RASGRP3: variants seen among roughly 807,000 people sequenced by gnomAD.
RASGRP3 encodes ras guanyl-releasing protein 3.
Under a neutral mutation model 82.7 loss-of-function variants are expected in RASGRP3, and 54 were observed. The observed-to-expected ratio is 0.65, with a 90% confidence interval of 0.52 to 0.82. The LOEUF (loss-of-function observed/expected upper bound fraction) is 0.82. Among genes scored for constraint, RASGRP3 ranks in the 40% least tolerant of loss-of-function variants. The probability of loss-of-function intolerance (pLI) is 0.00; values close to 1 mark genes in which losing one functional copy is unlikely to be tolerated. For missense variants in RASGRP3, 861 were observed against 828.9 expected (o/e 1.04, Z -0.48); for synonymous variants, 309 against 300.5 (o/e 1.03, Z -0.29).
intron 1 of RASGRP3, among the ~76,000 whole-genome samples, chr2:33,495,167 A>G (rs1230682817): frequency 6.6e-6 from 1 of 152,208 alleles, no homozygotes. Flanking sequence ...AGTCTGAGGT[A>G]GGGCTTGTAA....
At chr2:33,497,992 T>G (rs1193450549) in intron 1 of RASGRP3, among the ~76,000 whole-genome samples, 1 of 152,080 alleles carries the variant, frequency 6.6e-6, no homozygotes, top group East Asian at 1.9e-4. Context: ...CAGCCCTTCT[T>G]TCCTTTCTCC....
intron 15 of RASGRP3, among the ~76,000 whole-genome samples, chr2:33,557,086 ATAGT>A (rs1314983058): frequency 6.6e-6 from 1 of 152,176 alleles, no homozygotes; most frequent in East Asian, 1.9e-4. Flanking sequence ...GGTACTGGAA[ATAGT>A]TAGAAAGGTC....
chr2:33,562,802 G>GAAGA lies in RASGRP3; in HGVS notation c.*69_*72dup. On this transcript the variant is annotated 3_prime_UTR_variant, in exon 18 of 18. Transcript: ENST00000403687. ...TGGAAGGGGCAAGACGAGAAACTCT[G>GAAGA]AAGAAAGCTCTGACTCTCAGGAAGT... The GAAGA allele has an allele frequency of 6.4e-7, 1 of 1,571,834 alleles. No individual in the cohort carries two copies. Among genetic ancestry groups the GAAGA allele is most frequent in the Non-Finnish European group, 8.8e-7 (1 of 1,142,420 alleles).
rs77617720 is a variant in RASGRP3 at position 33,547,483 on chromosome 2, G to A, written c.1395-2121G>A. On this transcript the variant is annotated intron_variant, in intron 13 of 17. Coordinates refer to ENST00000403687, the MANE Select transcript of RASGRP3 (RefSeq NM_001139488.2). ...GTTCTCAAGCCTGGGGGAAAATTGT[G>A]GCACAGCAAACAGTAATAGGGAAGC... Among the ~76,000 whole-genome samples, 674 of 149,504 alleles carry A rather than the reference G, an allele frequency of 4.5e-3. 6 individuals carry two copies. Among genetic ancestry groups the A allele is most frequent in the African/African-American group, 0.016 (635 of 40,704 alleles).
chr2:33,486,178 T>A (rs1373998653), intron 1 of RASGRP3, among the ~76,000 whole-genome samples: 14 of 119,994 alleles, frequency 1.2e-4, no homozygotes, highest in East Asian at 2.3e-4. Context: ...TTTTTTTTTT[T>A]GAGAGAGAGA....
At chr2:33,519,203 T>C (rs1671761237) in intron 4 of RASGRP3, among the ~76,000 whole-genome samples, 1 of 152,210 alleles carries the variant, frequency 6.6e-6, no homozygotes, top group Admixed American at 6.5e-5. Context: ...AATTTTTCAA[T>C]CCCACTATAA....
chr2:33,441,144 G>C lies in RASGRP3; in HGVS notation c.-385+4553G>C, dbSNP rs368192429. ...TGACCTCAAATGATCCTCCTGCCTC[G>C]GCCTCCTGAAGTGCTGCGATTACAG... On this transcript the variant is annotated intron_variant, in intron 1 of 18. Transcript: ENST00000402538. 9.9e-5 allele frequency among the ~76,000 whole-genome samples: 15 copies of C among 152,100 alleles called. No individual in the cohort carries two copies. In the East Asian group the frequency reaches 2.7e-3, roughly 27 times the overall value.
At chr2:33,538,846 C>G (rs961728484) in intron 11 of RASGRP3, among the ~76,000 whole-genome samples, 1 of 152,014 alleles carries the variant, frequency 6.6e-6, no homozygotes, top group Non-Finnish European at 1.5e-5. Flanking sequence ...AGAGACCAGC[C>G]TGTGCAACAT....
rs151013844 is a variant in RASGRP3 at position 33,559,692 on chromosome 2, A to C, written c.2064+662A>C. ...TGTATTAAGAGAAAGGATTTGAGAA[A>C]ATTGGCATGATATTCCTAACATTTA... On this transcript the variant is annotated intron_variant, in intron 17 of 17. Transcript: ENST00000403687. 23 of 508,014 alleles carry C rather than the reference A, an allele frequency of 4.5e-5. No homozygotes were observed. The East Asian group carries it at 1.3e-3, about 28-fold the overall frequency. 31.5% of individuals were successfully genotyped at this position (508,014 alleles called of 1,614,324 possible).
chr2:33,452,683 A>G (rs59937230), intron 2 of RASGRP3, among the ~76,000 whole-genome samples: 12 of 152,320 alleles, frequency 7.9e-5, no homozygotes, highest in African/African-American at 2.4e-4. Flanking sequence ...CACAAGGGCT[A>G]GCCTGGTTAC....
At chr2:33,532,813 A>G (rs1199748142) in intron 10 of RASGRP3, 1 of 152,232 alleles carries the variant, frequency 6.6e-6, no homozygotes, top group Non-Finnish European at 1.5e-5. Flanking sequence ...GTTATATTCA[A>G]GCAGCTGCTA....
chr2:33,540,122 C>T (rs1674104140), intron 12 of RASGRP3: 1 of 152,282 alleles, frequency 6.6e-6, no homozygotes. Flanking sequence ...GGTACATCTG[C>T]TGGTGCAACA....
chr2:33,444,896 T>G (rs1226365251), intron 1 of RASGRP3, among the ~76,000 whole-genome samples: 2 of 152,210 alleles, frequency 1.3e-5, no homozygotes, highest in Non-Finnish European at 2.9e-5. Context: ...TAGGAATAGA[T>G]TCAATTACAC....
At chr2:33,535,232 A>G (rs771543984) in intron 11 of RASGRP3, among the ~76,000 whole-genome samples, 1 of 152,258 alleles carries the variant, frequency 6.6e-6, no homozygotes, top group Non-Finnish European at 1.5e-5. Context: ...TAAACATTAT[A>G]TAATGAGATT....
chr2:33,552,549 T>A (rs187305743), intron 14 of RASGRP3, among the ~76,000 whole-genome samples: 2 of 151,158 alleles, frequency 1.3e-5, no homozygotes, highest in Non-Finnish European at 2.9e-5. Context: ...AAAAAGCCCA[T>A]TGGTTTTCAA....
intron 1 of RASGRP3, among the ~76,000 whole-genome samples, chr2:33,486,608 T>C (rs1668420309): frequency 6.6e-6 from 1 of 152,232 alleles, no homozygotes; most frequent in Admixed American, 6.5e-5. Flanking sequence ...TTACAATACA[T>C]AAATGTATAT....
At chr2:33,559,634 A>G (rs965925644) in intron 17 of RASGRP3, 1 of 518,694 alleles carries the variant, frequency 1.9e-6, no homozygotes, top group African/African-American at 1.9e-5. Context: ...TTCAAGATGG[A>G]GTTAGATAAA....
intron 2 of RASGRP3, among the ~76,000 whole-genome samples, chr2:33,466,609 G>T (rs1264690421): frequency 5.9e-5 from 9 of 151,982 alleles, no homozygotes; most frequent in Admixed American, 4.6e-4. Context: ...AACCTGGGAG[G>T]TGGAGGTTGC....
Position 33,563,625 on chromosome 2 carries a change from G to A in RASGRP3, c.*888G>A, listed in dbSNP as rs1475524928. The A allele has an allele frequency of 3.3e-5, 5 of 151,794 alleles. No individual in the cohort carries two copies. Among genetic ancestry groups the A allele is most frequent in the Non-Finnish European group, 7.4e-5 (5 of 67,968 alleles). 9.4% of individuals were successfully genotyped at this position (151,794 alleles called of 1,614,324 possible). A position where few individuals can be genotyped will look rare whatever the true frequency, so the allele number is the denominator to read the frequency against. ...AGCAGAAAAACAAACCATTGAATAA[G>A]CTACTAGGTGAAATGCAAAACAACC... is the stretch of plus-strand genomic sequence containing the variant. On this transcript the variant is annotated 3_prime_UTR_variant, in exon 18 of 18. Coordinates refer to ENST00000403687, the MANE Select transcript of RASGRP3 (RefSeq NM_001139488.2).
Sources: gnomAD v4.1 joint callset for allele counts (sites outside exome capture counted in the v4.1 genomes callset) on GRCh38, gnomAD v4.1.1 for gene constraint, MANE v1.5 for transcripts, NCBI Gene and HGNC (gene_info 2026-07-23, HGNC 2026-07-21) for gene names.